Variants in RARB observed in about 807,000 individuals in gnomAD.
RARB encodes the protein HBV-activated protein.
RARB carries 17 observed loss-of-function variants against 51.9 expected under a neutral mutation model. The observed-to-expected ratio is 0.33, with a 90% CI of 0.22 to 0.49. The LOEUF (loss-of-function observed/expected upper bound fraction) is 0.49. Ranked by LOEUF, RARB falls within the 20% of genes least tolerant of loss-of-function variation. The pLI is 0.99. For missense variants in RARB, 369 were observed against 550.8 expected (o/e 0.67, Z 3.30); for synonymous variants, 215 against 195.4 (o/e 1.10, Z -0.84).
At chr3:25,149,917 T>C (rs1447168801) in intron 4 of RARB, among the ~76,000 whole-genome samples, 1 of 152,022 alleles carries the variant, frequency 6.6e-6, no homozygotes, top group Non-Finnish European at 1.5e-5. Context: ...ATCTTAAATA[T>C]CTGGTCAGGC....
intron 5 of RARB, among the ~76,000 whole-genome samples, chr3:25,397,055 C>T (rs929945568): frequency 1.3e-4 from 20 of 152,178 alleles, no homozygotes; most frequent in African/African-American, 3.1e-4. Flanking sequence ...TCACTGCCCC[C>T]GCAACCTCAG....
intron 3 of RARB, among the ~76,000 whole-genome samples, chr3:25,075,315 C>T (rs898643431): frequency 6.6e-6 from 1 of 152,166 alleles, no homozygotes; most frequent in Non-Finnish European, 1.5e-5. Context: ...AATTGTCCTT[C>T]AATCTCTGTT....
intron 2 of RARB, among the ~76,000 whole-genome samples, chr3:24,866,695 C>T (rs1034047651): frequency 3.3e-5 from 5 of 152,258 alleles, no homozygotes; most frequent in Admixed American, 2.0e-4. Context: ...TTCCTTCTTG[C>T]TTTTCAGTTT....
At chr3:25,056,359 T>C (rs1698442479) in intron 2 of RARB, among the ~76,000 whole-genome samples, 1 of 152,160 alleles carries the variant, frequency 6.6e-6, no homozygotes, top group African/African-American at 2.4e-5. Context: ...AAATTCAATC[T>C]TGAAGAATAC....
At chr3:25,100,315 C>T (rs1330453440) in intron 3 of RARB, among the ~76,000 whole-genome samples, 1 of 152,098 alleles carries the variant, frequency 6.6e-6, no homozygotes, top group East Asian at 1.9e-4. Flanking sequence ...GACAGAGGAA[C>T]AAATCCAGGT....
At chr3:24,984,797 T>C (rs879231147) in intron 2 of RARB, among the ~76,000 whole-genome samples, 1 of 152,214 alleles carries the variant, frequency 6.6e-6, no homozygotes, top group Admixed American at 6.5e-5. Context: ...CTGCTTACTG[T>C]AGTAATCATT....
intron 4 of RARB, among the ~76,000 whole-genome samples, chr3:25,159,922 G>A (rs928692156): frequency 7.9e-5 from 12 of 152,060 alleles, no homozygotes; most frequent in African/African-American, 2.9e-4. Context: ...TCTTTATTTT[G>A]GGGGAAGAGA....
chr3:25,423,199 T>C (rs1707905691), intron 5 of RARB, among the ~76,000 whole-genome samples: 2 of 152,238 alleles, frequency 1.3e-5, no homozygotes. Flanking sequence ...ATGCTCATAA[T>C]CCTTGTTCTG....
intron 5 of RARB, among the ~76,000 whole-genome samples, chr3:25,276,332 C>T (rs1017332712): frequency 4.0e-5 from 6 of 151,854 alleles, no homozygotes; most frequent in East Asian, 1.9e-4. Flanking sequence ...GTCTTTAGCC[C>T]GTTATGTAAG....
chr3:25,127,689 A>T (rs1699884314), intron 3 of RARB, among the ~76,000 whole-genome samples: 1 of 152,042 alleles, frequency 6.6e-6, no homozygotes, highest in Non-Finnish European at 1.5e-5. Context: ...GGAGCGAAGG[A>T]GGGAGGGAGG....
At chr3:25,465,371 C>G (rs531201131) in intron 2 of RARB, among the ~76,000 whole-genome samples, 9 of 152,232 alleles carry the variant, frequency 5.9e-5, no homozygotes, top group African/African-American at 2.2e-4. Context: ...ACTGGCCCAA[C>G]CATTGGCTGG....
chr3:25,553,344 G>A (rs1699922739), intron 3 of RARB, among the ~76,000 whole-genome samples: 1 of 152,188 alleles, frequency 6.6e-6, no homozygotes, highest in African/African-American at 2.4e-5. Context: ...TGACAGGGGA[G>A]CAGAGAACTT....
At chr3:25,337,814 T>C (rs1240623921) in intron 5 of RARB, among the ~76,000 whole-genome samples, 1 of 151,098 alleles carries the variant, frequency 6.6e-6, no homozygotes, top group African/African-American at 2.5e-5. Flanking sequence ...TATACGTTTC[T>C]TGTTTGCCCT....
At chr3:25,201,192 A>G (rs1250422946) in intron 5 of RARB, among the ~76,000 whole-genome samples, 2 of 152,122 alleles carry the variant, frequency 1.3e-5, no homozygotes, top group Non-Finnish European at 2.9e-5. Context: ...CTTTGAAGCA[A>G]TTGTGAATGG....
intron 3 of RARB, among the ~76,000 whole-genome samples, chr3:25,123,916 C>G (rs762523964): frequency 1.6e-4 from 25 of 152,180 alleles, no homozygotes; most frequent in Admixed American, 3.9e-4. Flanking sequence ...AGCATCTGCT[C>G]ATATCTTATT....
chr3:24,908,400 A>ACATTGCATATGTG (rs1198848810), intron 2 of RARB, among the ~76,000 whole-genome samples: 1 of 152,208 alleles, frequency 6.6e-6, no homozygotes, highest in Admixed American at 6.5e-5. Context: ...TATGCTATGT[A>ACATTGCATATGTG]CATTGAAAGT....
At chr3:25,184,352 G>A (rs571739386) in intron 5 of RARB, among the ~76,000 whole-genome samples, 5 of 152,246 alleles carry the variant, frequency 3.3e-5, no homozygotes, top group Middle Eastern at 6.8e-3. Context: ...ACTGATGATA[G>A]CACAGAGTTA....
chr3:25,174,229 G>T (rs996460799), exon 5 of RARB: 1 of 402,726 alleles, frequency 2.5e-6, no homozygotes, highest in Non-Finnish European at 4.4e-6. Context: ...GACAGGCAGA[G>T]AAACCATGCT....
At chr3:25,454,590 A>G (rs1272948437) in intron 1 of RARB, among the ~76,000 whole-genome samples, 1 of 152,200 alleles carries the variant, frequency 6.6e-6, no homozygotes, top group Non-Finnish European at 1.5e-5. Context: ...AGGCTTTCCT[A>G]ATGCATGATG....
Sources: allele counts gnomAD v4.1 joint callset (sites outside exome capture counted in the v4.1 genomes callset), GRCh38; gene constraint gnomAD v4.1.1; transcripts MANE v1.5; gene names NCBI Gene and HGNC (gene_info 2026-07-23, HGNC 2026-07-21).